Variants in C11orf65 observed in about 807,000 individuals in gnomAD.
The protein encoded by C11orf65 is chromosome 11 open reading frame 65.
C11orf65 carries 38 observed loss-of-function variants against 35.3 expected under a neutral mutation model. The observed-to-expected ratio is 1.08, with a 90% CI of 0.83 to 1.41. The LOEUF is 1.41. Ranked by LOEUF, C11orf65 falls within the 40% of genes most tolerant of loss-of-function variation. The probability of loss-of-function intolerance (pLI) is 0.00; values close to 1 mark genes in which losing one functional copy is unlikely to be tolerated. For missense variants in C11orf65, 370 were observed against 367.1 expected (o/e 1.01, Z -0.06); for synonymous variants, 105 against 114.4 (o/e 0.92, Z 0.53).
At chr11:108,430,785 C>T (rs1334044555) in intron 3 of C11orf65, among the ~76,000 whole-genome samples, 1 of 151,900 alleles carries the variant, frequency 6.6e-6, no homozygotes, top group African/African-American at 2.4e-5. Context: ...GTTAACGCTG[C>T]AGTGAGCCCT....
intron 2 of C11orf65, among the ~76,000 whole-genome samples, chr11:108,453,838 C>T (rs2093381344): frequency 6.6e-6 from 1 of 152,212 alleles, no homozygotes; most frequent in South Asian, 2.1e-4. Context: ...CATCTATGTT[C>T]ATCAGGGGCA....
At chr11:108,334,080 T>C (rs1367229459) in intron 3 of C11orf65, 3 of 801,280 alleles carry the variant, frequency 3.7e-6, no homozygotes, top group Non-Finnish European at 6.3e-6. Flanking sequence ...TTGGCAAATT[T>C]CATATGTTTC....
chr11:108,455,589 G>A (rs1010926161), intron 2 of C11orf65, among the ~76,000 whole-genome samples: 24 of 151,976 alleles, frequency 1.6e-4, no homozygotes, highest in African/African-American at 4.6e-4. Flanking sequence ...AGGTCGAGGC[G>A]GGCGGATCAC....
chr11:108,327,669 T>C (rs1064793312), downstream of C11orf65: 1 of 1,613,968 alleles, frequency 6.2e-7, no homozygotes, highest in African/African-American at 1.3e-5. Flanking sequence ...AAAACTTACA[T>C]ACACAGAATG....
chr11:108,362,872 C>T (rs1171611494), intron 2 of C11orf65, among the ~76,000 whole-genome samples: 37 of 151,014 alleles, frequency 2.5e-4, no homozygotes, highest in Non-Finnish European at 3.8e-4. Flanking sequence ...GTGGGTGCAG[C>T]GCACCAGCAT....
chr11:108,376,029 TA>T (rs2091714393), intron 2 of C11orf65, among the ~76,000 whole-genome samples: 1 of 151,916 alleles, frequency 6.6e-6, no homozygotes, highest in Non-Finnish European at 1.5e-5. Flanking sequence ...TCCCACACAA[TA>T]ATAATGGGAG....
chr11:108,402,127 A>G (rs1304748121), intron 6 of C11orf65, among the ~76,000 whole-genome samples: 1 of 152,176 alleles, frequency 6.6e-6, no homozygotes, highest in African/African-American at 2.4e-5. Context: ...TACAAATCTC[A>G]TTGTGAGCTA....
intron 3 of C11orf65, among the ~76,000 whole-genome samples, 197 bp from the exon 4 acceptor site, chr11:108,407,346 C>T (rs1377298873): frequency 6.6e-6 from 1 of 152,036 alleles, no homozygotes; most frequent in African/African-American, 2.4e-5. Flanking sequence ...GGATTTCACT[C>T]TGTTGCCCAG....
At chr11:108,439,808 G>A (rs944569405) in intron 2 of C11orf65, among the ~76,000 whole-genome samples, 2 of 152,156 alleles carry the variant, frequency 1.3e-5, no homozygotes, top group Admixed American at 1.3e-4. Context: ...CTGGGGTCTG[G>A]TGGTTAGGAG....
intron 2 of C11orf65, among the ~76,000 whole-genome samples, chr11:108,364,470 C>T (rs369920356): frequency 3.3e-5 from 5 of 152,258 alleles, no homozygotes; most frequent in South Asian, 4.1e-4. Context: ...TAATTCTACA[C>T]CTAATATATA....
chr11:108,410,005 G>C (rs956598940), intron 3 of C11orf65, among the ~76,000 whole-genome samples: 1 of 152,124 alleles, frequency 6.6e-6, no homozygotes, highest in African/African-American at 2.4e-5. Context: ...AGTTATGTTT[G>C]GCAGGTTAGG....
At chr11:108,438,937 C>G (rs1019142281) in intron 2 of C11orf65, among the ~76,000 whole-genome samples, 10 of 151,910 alleles carry the variant, frequency 6.6e-5, no homozygotes, top group Middle Eastern at 3.4e-3. Context: ...ACGCAGGAGG[C>G]AGAGGTTGCA....
chr11:108,451,718 A>G (rs1275357056), intron 2 of C11orf65, among the ~76,000 whole-genome samples: 2 of 152,206 alleles, frequency 1.3e-5, no homozygotes, highest in Non-Finnish European at 2.9e-5. Flanking sequence ...AGCCAAAAGA[A>G]CAAAGCTGGA....
chr11:108,369,705 A>G (rs2091495656), intron 2 of C11orf65, among the ~76,000 whole-genome samples: 1 of 152,178 alleles, frequency 6.6e-6, no homozygotes, highest in Admixed American at 6.5e-5. Flanking sequence ...GTATGTAGAA[A>G]TATATACTTT....
chr11:108,392,748 C>T (rs902640221), intron 7 of C11orf65, among the ~76,000 whole-genome samples: 1 of 152,114 alleles, frequency 6.6e-6, no homozygotes, highest in African/African-American at 2.4e-5. Flanking sequence ...ATTGCATTTC[C>T]TTAATGGGGC....
intron 2 of C11orf65, among the ~76,000 whole-genome samples, chr11:108,460,103 C>T (rs1045443468): frequency 3.8e-4 from 57 of 151,974 alleles, no homozygotes; most frequent in African/African-American, 1.4e-3. Context: ...ATCCCTGTAT[C>T]TTAAAAAAAC....
At chr11:108,406,295 T>C (rs1232520796) in intron 5 of C11orf65, among the ~76,000 whole-genome samples, 1 of 152,180 alleles carries the variant, frequency 6.6e-6, no homozygotes. Flanking sequence ...TTTTCATACT[T>C]GGTATATTCT....
At chr11:108,451,779 A>G (rs1378712232) in intron 2 of C11orf65, among the ~76,000 whole-genome samples, 1 of 152,206 alleles carries the variant, frequency 6.6e-6, no homozygotes, top group African/African-American at 2.4e-5. Context: ...CAGTAACCAA[A>G]ACAGCATGGT....
At chr11:108,388,277 A>G (rs2092061731) in intron 7 of C11orf65, among the ~76,000 whole-genome samples, 1 of 152,210 alleles carries the variant, frequency 6.6e-6, no homozygotes, top group South Asian at 2.1e-4. Context: ...CCATTATTTT[A>G]AAAAGAACTT....
Sources: gnomAD v4.1 joint callset for allele counts (sites outside exome capture counted in the v4.1 genomes callset) on GRCh38, gnomAD v4.1.1 for gene constraint, MANE v1.5 for transcripts, NCBI Gene and HGNC (gene_info 2026-07-23, HGNC 2026-07-21) for gene names.